Variants in PLD1 observed in about 807,000 individuals in gnomAD.
PLD1 encodes phospholipase D1.
PLD1 carries 112 observed loss-of-function variants against 137.1 expected under a neutral mutation model. The observed-to-expected ratio is 0.82, with a 90% CI of 0.70 to 0.96. PLD1 has a LOEUF of 0.96. PLD1 is among the 40% of genes least tolerant of loss of function. The pLI, the probability that PLD1 is intolerant of heterozygous loss-of-function variation, is 0.00. For synonymous variants in PLD1, 431 were observed against 454.7 expected (o/e 0.95, Z 0.66); for missense variants, 1,321 against 1,342.0 (o/e 0.98, Z 0.24).
chr3:171,747,133 G>A (rs980100936), intron 1 of PLD1, among the ~76,000 whole-genome samples: 1 of 152,104 alleles, frequency 6.6e-6, no homozygotes, highest in African/African-American at 2.4e-5. Context: ...CCCACCAGAA[G>A]GAAGAAACTC....
intron 24 of PLD1, among the ~76,000 whole-genome samples, chr3:171,616,506 T>C (rs1733124494): frequency 6.6e-6 from 1 of 152,206 alleles, no homozygotes; most frequent in East Asian, 1.9e-4. Context: ...ACTTTAAAAA[T>C]AGAGTGAGTA....
At chr3:171,643,663 T>C (rs1376398198) in intron 22 of PLD1, among the ~76,000 whole-genome samples, 1 of 152,056 alleles carries the variant, frequency 6.6e-6, no homozygotes, top group Admixed American at 6.6e-5. Context: ...ATTAACAATA[T>C]TACAAAAATA....
intron 1 of PLD1, among the ~76,000 whole-genome samples, chr3:171,796,784 C>A (rs886567753): frequency 1.3e-5 from 2 of 152,150 alleles, no homozygotes; most frequent in Non-Finnish European, 2.9e-5. Context: ...AGGAACCAAT[C>A]AACTACCAAA....
intron 6 of PLD1, among the ~76,000 whole-genome samples, chr3:171,727,316 C>T (rs1399957610): frequency 6.6e-6 from 1 of 152,020 alleles, no homozygotes; most frequent in Non-Finnish European, 1.5e-5. Context: ...CCAAAGTCAG[C>T]GCCCTCAAAA....
intron 23 of PLD1, among the ~76,000 whole-genome samples, chr3:171,622,653 T>C (rs370001563): frequency 6.6e-6 from 1 of 150,818 alleles, no homozygotes; most frequent in East Asian, 1.9e-4. Flanking sequence ...ATATGTATTA[T>C]ATATTTATAT....
intron 1 of PLD1, among the ~76,000 whole-genome samples, chr3:171,763,002 TAGTA>T (rs1213224942): frequency 2.6e-5 from 4 of 152,330 alleles, no homozygotes; most frequent in Non-Finnish European, 1.5e-5. Flanking sequence ...ACTTAGCTCA[TAGTA>T]AGTGCTTATG....
chr3:171,687,112 C>G (rs1267705647), intron 15 of PLD1, among the ~76,000 whole-genome samples: 1 of 152,186 alleles, frequency 6.6e-6, no homozygotes, highest in African/African-American at 2.4e-5. Context: ...TTTAGAAACC[C>G]TTTGTCATTC....
At chr3:171,718,933 C>T (rs1378113990) in intron 8 of PLD1, among the ~76,000 whole-genome samples, 3 of 151,880 alleles carry the variant, frequency 2.0e-5, no homozygotes, top group South Asian at 4.2e-4. Flanking sequence ...GTGAGATTAC[C>T]GTCTGTTTTA....
chr3:171,770,077 T>C (rs1351169906), intron 1 of PLD1, among the ~76,000 whole-genome samples: 2 of 152,238 alleles, frequency 1.3e-5, no homozygotes, highest in Non-Finnish European at 2.9e-5. Flanking sequence ...TCTTTAGATC[T>C]TTAAATTAAC....
chr3:171,629,310 G>A (rs1167079392), intron 23 of PLD1, among the ~76,000 whole-genome samples: 5 of 151,448 alleles, frequency 3.3e-5, no homozygotes, highest in East Asian at 1.9e-4. Flanking sequence ...TACAAGGGAC[G>A]TGAAGGACCT....
chr3:171,705,936 G>GT (rs1716645347), intron 11 of PLD1, among the ~76,000 whole-genome samples: 1 of 152,070 alleles, frequency 6.6e-6, no homozygotes, highest in Non-Finnish European at 1.5e-5. Flanking sequence ...TTAAAGAGTT[G>GT]TAAAAAAAAT....
chr3:171,717,647 AGATATAG>A (rs565419138), intron 8 of PLD1, among the ~76,000 whole-genome samples: 73 of 152,206 alleles, frequency 4.8e-4, no homozygotes, highest in Non-Finnish European at 7.3e-4. Flanking sequence ...GGAGTTTTCT[AGATATAG>A]AATCATGTCA....
At chr3:171,655,398 A>G (rs1039496353) in intron 21 of PLD1, among the ~76,000 whole-genome samples, 1 of 152,142 alleles carries the variant, frequency 6.6e-6, no homozygotes, top group Non-Finnish European at 1.5e-5. Flanking sequence ...GCCTCATTCT[A>G]TCTCCTAAGC....
At chr3:171,740,879 G>C (rs1270039904) in intron 1 of PLD1, among the ~76,000 whole-genome samples, 1 of 152,152 alleles carries the variant, frequency 6.6e-6, no homozygotes, top group Admixed American at 6.5e-5. Flanking sequence ...TTAAACAATC[G>C]TCCAAGGTCA....
intron 25 of PLD1, among the ~76,000 whole-genome samples, chr3:171,606,936 G>A (rs911183768): frequency 1.3e-5 from 2 of 152,114 alleles, no homozygotes; most frequent in Non-Finnish European, 2.9e-5. Flanking sequence ...CTGCAAGAAA[G>A]GCTGTACCAA....
At position 171,708,798 on chromosome 3, in the gene PLD1, C is replaced by T. The variant is rs1274076083; in HGVS notation, c.1102G>A (p.Ala368Thr). The change falls in exon 11 of 27, where the codon GCA (alanine) becomes ACA (threonine). Residue 368 changes from alanine (A) to threonine (T), a missense_variant. By Grantham distance (58) the Ala-to-Thr change is moderately conservative. Coordinates refer to ENST00000351298, the MANE Select transcript of PLD1 (RefSeq NM_002662.5). ...ATCTCTTCATTTGCCTCTTCCATTGCATTTGCCACATCTTCAAAATATCCT... is the reference window on the plus strand; with the variant it reads ...ATCTCTTCATTTGCCTCTTCCATTGTATTTGCCACATCTTCAAAATATCCT... The part of the protein sequence containing the change: ...AKGYFEDVAN[A>T]MEEANEEIFI... The T allele has an allele frequency of 3.7e-6, 6 of 1,601,516 alleles. No individual in the cohort carries two copies. The highest frequency in any genetic ancestry group is 4.3e-6 in the Non-Finnish European group (5 of 1,168,578).
In PLD1 at chr3:171,603,134, G is replaced by C; in HGVS notation, c.3169C>G (p.Leu1057Val). ...FPFYFLSEES[L>V]LPSVGTKEAI... Reference sequence around the variant, plus strand: ...TCTTTGGTCCCAACAGAAGGCAGTAGGCTTTCTTCAGACAAGAAATAAAAG... The same window carrying C: ...TCTTTGGTCCCAACAGAAGGCAGTACGCTTTCTTCAGACAAGAAATAAAAG... Residue 1057 changes from leucine to valine, a missense_variant, in exon 27 of 27, where the codon CTA becomes GTA. Transcript: ENST00000351298. 2 of 1,614,088 alleles carry C rather than the reference G, an allele frequency of 1.2e-6. No homozygotes were observed. Among genetic ancestry groups the C allele is most frequent in the Non-Finnish European group, 1.7e-6 (2 of 1,179,980 alleles).
At chr3:171,628,526 C>T (rs879190997) in intron 23 of PLD1, among the ~76,000 whole-genome samples, 1 of 151,994 alleles carries the variant, frequency 6.6e-6, no homozygotes, top group African/African-American at 2.4e-5. Context: ...CCAGCATCAT[C>T]CTGATACCAA....
In PLD1 at chr3:171,691,061, C is replaced by T. The variant is rs80261376; in HGVS notation, c.1338+1271G>A. 5.1e-3 allele frequency among the ~76,000 whole-genome samples: 780 copies of T among 151,946 alleles called. 4 individuals are homozygous for T. Among genetic ancestry groups the T allele is most frequent in the African/African-American group, 0.018 (750 of 41,418 alleles). On this transcript the variant is annotated intron_variant, in intron 13 of 26. Transcript: ENST00000351298. ...GAACCTTTTATTAATATATAATGTC[C>T]TTCTTTGTCTCTTGTAAGCATGTTT... is the stretch of plus-strand genomic sequence containing the variant.
Sources: allele counts gnomAD v4.1 joint callset (sites outside exome capture counted in the v4.1 genomes callset), GRCh38; gene constraint gnomAD v4.1.1; transcripts MANE v1.5; gene names NCBI Gene and HGNC (gene_info 2026-07-23, HGNC 2026-07-21).